Variants in EHMT1 observed in about 807,000 individuals in gnomAD.
The protein encoded by EHMT1 is euchromatic histone lysine methyltransferase 1, also known as histone-lysine N-methyltransferase EHMT1.
Under a neutral mutation model 147.2 loss-of-function variants are expected in EHMT1, and 15 were observed. The observed-to-expected ratio is 0.10, with a 90% CI of 0.07 to 0.16. The LOEUF (loss-of-function observed/expected upper bound fraction) is 0.16. EHMT1 is among the 10% of genes least tolerant of loss of function. The pLI is 1.00. For missense variants in EHMT1, 1,587 were observed against 1,772.4 expected, an observed-to-expected ratio of 0.90 and a Z score of 1.88; for synonymous variants, 795 against 709.6, an observed-to-expected ratio of 1.12 and a Z score of -1.91.
At chr9:137,664,421 G>A (rs750546209) in intron 1 of EHMT1, among the ~76,000 whole-genome samples, 1 of 151,596 alleles carries the variant, frequency 6.6e-6, no homozygotes, top group South Asian at 2.1e-4. Flanking sequence ...CACCACACTC[G>A]GCTAATTTTT....
intron 2 of EHMT1, among the ~76,000 whole-genome samples, chr9:137,713,572 CTAAG>C (rs773162443): frequency 2.0e-5 from 3 of 151,668 alleles, no homozygotes; most frequent in Non-Finnish European, 4.4e-5. Context: ...TGCCTGGCCC[CTAAG>C]TATTATATTT....
intron 1 of EHMT1, among the ~76,000 whole-genome samples, chr9:137,654,385 C>T (rs1217255877): frequency 7.3e-6 from 1 of 137,332 alleles, no homozygotes; most frequent in Non-Finnish European, 1.6e-5. Context: ...TACCACCTCC[C>T]CCCCACCAAA....
intron 18 of EHMT1, chr9:137,802,862 C>G (rs974879940): frequency 8.1e-7 from 1 of 1,231,910 alleles, no homozygotes; most frequent in Non-Finnish European, 1.0e-6. Context: ...GTTAGGATGA[C>G]GGCACCATGA....
intron 12 of EHMT1, 185 bp downstream of exon 12, chr9:137,777,029 C>A: frequency 1.5e-6 from 1 of 645,580 alleles, no homozygotes; most frequent in Non-Finnish European, 2.6e-6. Context: ...ATACGTTGCT[C>A]TCTTTCGGTT....
chr9:137,760,331 G>A (rs12002913), intron 9 of EHMT1, among the ~76,000 whole-genome samples: 7,383 of 152,212 alleles, frequency 0.049, 585 homozygotes, highest in African/African-American at 0.17. Flanking sequence ...GGCTGCTGTT[G>A]GCCAGTGCTG....
In EHMT1 at chr9:137,728,709, C is replaced by A. The variant is rs1206314022; in HGVS notation, c.823+180C>A. The A allele has an allele frequency of 1.2e-5, 9 of 727,962 alleles. No homozygotes were observed. In the South Asian group the frequency reaches 1.5e-4, roughly 12 times the overall value. 45.1% of individuals were successfully genotyped at this position (727,962 alleles called of 1,614,324 possible). ...TGAGGAGGCACACCTGACCTCTGCT[C>A]TAAGCCTTGTCTCATGCCAGCATTG... is the stretch of plus-strand genomic sequence containing the variant. On this transcript the variant is annotated intron_variant, in intron 4 of 26. Coordinates refer to ENST00000460843, the MANE Select transcript of EHMT1 (RefSeq NM_024757.5).
rs188282413 is a variant in EHMT1, at chr9:137,702,008, C to T, written c.22-8959C>T. On this transcript the variant is annotated intron_variant, in intron 1 of 26. Coordinates refer to ENST00000460843, the MANE Select transcript of EHMT1 (RefSeq NM_024757.5). Reference sequence around the variant, plus strand: ...GGGGTTTCACCATGTTGGCCAGGCTCGTCTCGAACTTCTGACCTCAGGTGA... The same window carrying T: ...GGGGTTTCACCATGTTGGCCAGGCTTGTCTCGAACTTCTGACCTCAGGTGA... Among the ~76,000 whole-genome samples, 47 of 151,986 alleles carry T rather than the reference C, an allele frequency of 3.1e-4. No homozygotes were observed. In the East Asian group the frequency reaches 5.0e-3, roughly 16 times the overall value.
At chr9:137,673,823 A>G (rs2134337795) in intron 1 of EHMT1, among the ~76,000 whole-genome samples, 1 of 152,344 alleles carries the variant, frequency 6.6e-6, no homozygotes, top group East Asian at 1.9e-4. Flanking sequence ...AATTACTATG[A>G]ATATAGTAAG....
intron 25 of EHMT1, among the ~76,000 whole-genome samples, chr9:137,831,555 C>T (rs1956188868): frequency 1.3e-5 from 2 of 152,194 alleles, no homozygotes; most frequent in Admixed American, 1.3e-4. Flanking sequence ...GTAGAATTTC[C>T]GTTGGATTCT....
intron 1 of EHMT1, among the ~76,000 whole-genome samples, chr9:137,631,020 T>C (rs3003374): frequency 0.98 from 149,897 of 152,240 alleles, 73,799 homozygotes; most frequent in East Asian, 1. Flanking sequence ...GCTTGAGTGG[T>C]ATGGGTTAGT....
At chr9:137,726,248 GCT>G (rs1032281720) in intron 3 of EHMT1, among the ~76,000 whole-genome samples, 1 of 152,192 alleles carries the variant, frequency 6.6e-6, no homozygotes, top group African/African-American at 2.4e-5. Flanking sequence ...CCACACTGAA[GCT>G]CTGTCTCCTT....
intron 1 of EHMT1, among the ~76,000 whole-genome samples, chr9:137,655,598 G>A (rs1325464637): frequency 6.6e-6 from 1 of 152,230 alleles, no homozygotes; most frequent in Non-Finnish European, 1.5e-5. Context: ...AGGCTGTGGA[G>A]TGCTGGTCAG....
chr9:137,641,419 CT>C, intron 1 of EHMT1: 1 of 534,076 alleles, frequency 1.9e-6, no homozygotes, highest in South Asian at 1.4e-5. Flanking sequence ...AATTCTGTCA[CT>C]TCAGCACTGG....
At chr9:137,800,691 G>C (rs1477549316) in intron 17 of EHMT1, 189 bp from the exon 18 acceptor site, 5 of 612,020 alleles carry the variant, frequency 8.2e-6, no homozygotes, top group Admixed American at 2.7e-5. Flanking sequence ...TCCTGCGCTT[G>C]TGGAGCTACC....
intron 4 of EHMT1, among the ~76,000 whole-genome samples, chr9:137,730,907 CT>C (rs1040653212): frequency 6.6e-6 from 1 of 152,224 alleles, no homozygotes; most frequent in East Asian, 1.9e-4. Flanking sequence ...AACTTACCAA[CT>C]TTTTTTGCTA....
intron 4 of EHMT1, among the ~76,000 whole-genome samples, chr9:137,737,022 GC>G (rs376774675): frequency 1.3e-5 from 2 of 152,096 alleles, no homozygotes; most frequent in African/African-American, 2.4e-5. Context: ...GGGCAACATA[GC>G]AAAACCCTGT....
intron 1 of EHMT1, among the ~76,000 whole-genome samples, chr9:137,634,330 G>A (rs970944023): frequency 2.6e-5 from 4 of 152,180 alleles, no homozygotes. Flanking sequence ...TGTATATGAT[G>A]TTAGGTAGGA....
intron 26 of EHMT1, 105 bp from the exon 27 acceptor site, chr9:137,834,663 GCGGCA>G: frequency 6.3e-7 from 1 of 1,597,134 alleles, no homozygotes; most frequent in South Asian, 1.1e-5. Flanking sequence ...GACCTGGGAT[GCGGCA>G]CGGCAGATCG....
chr9:137,771,393 G>A (rs1026945228), intron 10 of EHMT1, among the ~76,000 whole-genome samples: 1 of 152,004 alleles, frequency 6.6e-6, no homozygotes, highest in Admixed American at 6.6e-5. Flanking sequence ...TAGAGACGGA[G>A]TTTCCCTATG....
Sources: gnomAD v4.1 joint callset for allele counts (sites outside exome capture counted in the v4.1 genomes callset) on GRCh38, gnomAD v4.1.1 for gene constraint, MANE v1.5 for transcripts, NCBI Gene and HGNC (gene_info 2026-07-23, HGNC 2026-07-21) for gene names.